PAX2: variants seen among roughly 807,000 people sequenced by gnomAD.
PAX2 encodes paired box 2, also known as paired box protein Pax-2.
PAX2 carries 9 observed loss-of-function variants against 41.7 expected under a neutral mutation model. The ratio of observed to expected loss-of-function variants is 0.22; its 90% CI spans 0.13 to 0.38. The LOEUF (loss-of-function observed/expected upper bound fraction) is 0.38, where lower values mean the gene tolerates loss of function less well. Ranked by LOEUF, PAX2 falls within the 10% of genes least tolerant of loss-of-function variation. PAX2 has a pLI of 1.00. For synonymous variants in PAX2, 221 were observed against 212.7 expected (o/e 1.04, Z -0.34); for missense variants, 418 against 531.6 (o/e 0.79, Z 2.10).
At chr10:100,796,069 T>C (rs1847321212) in intron 5 of PAX2, among the ~76,000 whole-genome samples, 1 of 152,210 alleles carries the variant, frequency 6.6e-6, no homozygotes, top group South Asian at 2.1e-4. Flanking sequence ...TCCTTGGTTA[T>C]GGTCCCCGCT....
At chr10:100,772,603 A>C (rs949954539) in intron 3 of PAX2, among the ~76,000 whole-genome samples, 4 of 152,200 alleles carry the variant, frequency 2.6e-5, no homozygotes, top group South Asian at 2.1e-4. Context: ...AGTGCCTTTG[A>C]TTTACTGAAT....
intron 4 of PAX2, 95 bp from the exon 5 acceptor site, chr10:100,781,151 C>G: frequency 7.9e-7 from 1 of 1,259,210 alleles, no homozygotes; most frequent in Non-Finnish European, 1.2e-6. Context: ...CTTATGTCCT[C>G]TGCTTCTCTC....
intron 4 of PAX2, among the ~76,000 whole-genome samples, 183 bp downstream of exon 4, chr10:100,779,766 G>A (rs1431508317): frequency 6.6e-6 from 1 of 152,118 alleles, no homozygotes; most frequent in African/African-American, 2.4e-5. Context: ...CTCTAGGACT[G>A]TTCTCTGCCT....
At chr10:100,825,782 T>C (rs1848532489) in intron 8 of PAX2, among the ~76,000 whole-genome samples, 1 of 151,878 alleles carries the variant, frequency 6.6e-6, no homozygotes, top group Non-Finnish European at 1.5e-5. Context: ...TGCTGCTGGG[T>C]CTTATGGACT....
At position 100,748,816 on chromosome 10, in the gene PAX2, G is replaced by A; in HGVS notation, c.44-930G>A. 1 of 985,490 alleles carries A rather than the reference G, an allele frequency of 1.0e-6. No homozygotes were observed. The highest frequency in any genetic ancestry group is 1.2e-6 in the Non-Finnish European group (1 of 830,006). The allele number at this position is 985,490 out of a possible 1,614,324, so 61.0% of individuals were successfully genotyped here. Reference sequence around the variant, plus strand: ...GCTGCCGAGGTCTGAGGGGTCAAAGGGACTCGAGTCGGGTTTGGGTCGGCT... The same window carrying A: ...GCTGCCGAGGTCTGAGGGGTCAAAGAGACTCGAGTCGGGTTTGGGTCGGCT... On this transcript the variant is annotated intron_variant, in intron 1 of 9. Transcript: ENST00000355243. This position sits in a 1 kb window ranked among gnomAD's most constrained non-coding sequence, Gnocchi z 5.0.
At chr10:100,795,841 C>T (rs1398269474) in intron 5 of PAX2, among the ~76,000 whole-genome samples, 1 of 152,214 alleles carries the variant, frequency 6.6e-6, no homozygotes, top group African/African-American at 2.4e-5. Context: ...CACTAGTGCC[C>T]TCCTACTGGG....
intron 3 of PAX2, among the ~76,000 whole-genome samples, chr10:100,764,095 C>G (rs1209351528): frequency 6.7e-6 from 1 of 149,798 alleles, no homozygotes; most frequent in Non-Finnish European, 1.5e-5. Flanking sequence ...GCGTCTATTT[C>G]AGTGTGTATG....
chr10:100,759,786 G>A (rs991983910), intron 3 of PAX2, among the ~76,000 whole-genome samples: 4 of 152,214 alleles, frequency 2.6e-5, no homozygotes, highest in African/African-American at 7.2e-5. Context: ...GGAGCAGGCA[G>A]AAAGGGAGAA....
intron 1 of PAX2, among the ~76,000 whole-genome samples, chr10:100,737,050 G>A (rs1245549353): frequency 6.6e-6 from 1 of 152,082 alleles, no homozygotes; most frequent in African/African-American, 2.4e-5. Flanking sequence ...AACTCTTTCT[G>A]AATCTATTTT....
At chr10:100,806,683 C>T (rs751969096) in intron 6 of PAX2, 78 bp downstream of exon 6, 4 of 1,197,204 alleles carry the variant, frequency 3.3e-6, no homozygotes, top group Non-Finnish European at 4.9e-6. Context: ...GTTCACTAAA[C>T]ACCACATGCA....
chr10:100,748,713 C>T lies in PAX2; in HGVS notation c.44-1033C>T. ...TCGGTTCCGAGATCGGGAGCCCGCGCTGGAGCCGGGTTGGAAACCCCGTGC... is the reference window on the plus strand; with the variant it reads ...TCGGTTCCGAGATCGGGAGCCCGCGTTGGAGCCGGGTTGGAAACCCCGTGC... On this transcript the variant is annotated intron_variant, in intron 1 of 9. Coordinates refer to ENST00000355243, the MANE Select transcript of PAX2 (RefSeq NM_000278.5). This position sits in a 1 kb window ranked among gnomAD's most constrained non-coding sequence, Gnocchi z 5.0. The T allele has an allele frequency of 1.0e-6, 1 of 985,526 alleles. No individual in the cohort carries two copies. The highest frequency in any genetic ancestry group is 4.7e-5 in the South Asian group (1 of 21,288). The allele number at this position is 985,526 out of a possible 1,614,324, so 61.0% of individuals were successfully genotyped here. A position where few individuals can be genotyped will look rare whatever the true frequency, so the allele number is the denominator to read the frequency against.
At chr10:100,819,345 G>A (rs1029981004) in intron 7 of PAX2, among the ~76,000 whole-genome samples, 1 of 152,026 alleles carries the variant, frequency 6.6e-6, no homozygotes, top group Non-Finnish European at 1.5e-5. Flanking sequence ...AAGACAGGCA[G>A]AGCACCTGAG....
chr10:100,806,370 A>T, intron 5 of PAX2, 60 bp from the exon 6 acceptor site: 1 of 1,567,170 alleles, frequency 6.4e-7, no homozygotes, highest in South Asian at 1.1e-5. Context: ...TTTGCCCTGC[A>T]CTGTTCCTGT....
At chr10:100,802,185 T>C (rs1272244102) in intron 5 of PAX2, among the ~76,000 whole-genome samples, 1 of 152,120 alleles carries the variant, frequency 6.6e-6, no homozygotes, top group Non-Finnish European at 1.5e-5. Context: ...AATCTAAAAA[T>C]GTGGCCAGAG....
At chr10:100,752,023 T>A (rs1300561185) in intron 3 of PAX2, among the ~76,000 whole-genome samples, 4 of 152,234 alleles carry the variant, frequency 2.6e-5, no homozygotes, top group Admixed American at 6.5e-5. Context: ...AAGGATTTTT[T>A]AAATATTTTG....
At position 100,748,528 on chromosome 10, in the gene PAX2, C is replaced by T; in HGVS notation, c.44-1218C>T. ...GGGGCAGGGGCTGCAGCTTGCCAGT[C>T]CGGGCCGACCCGACTCGGCCGCTAG... is the stretch of plus-strand genomic sequence containing the variant. On this transcript the variant is annotated intron_variant, in intron 1 of 9. Transcript: ENST00000355243. This position sits in a 1 kb window ranked among gnomAD's most constrained non-coding sequence, Gnocchi z 5.0. 1 of 985,362 alleles carries T rather than the reference C, an allele frequency of 1.0e-6. No individual in the cohort carries two copies. Among genetic ancestry groups the T allele is most frequent in the Non-Finnish European group, 1.2e-6 (1 of 829,912 alleles). 61.0% of individuals were successfully genotyped at this position (985,362 alleles called of 1,614,324 possible).
chr10:100,779,921 A>G (rs867717906), intron 4 of PAX2, among the ~76,000 whole-genome samples: 28 of 151,036 alleles, frequency 1.9e-4, no homozygotes, highest in African/African-American at 6.6e-4. Context: ...TCATTCTCCA[A>G]CATCTTTTGT....
chr10:100,788,362 G>A (rs898705904), intron 5 of PAX2, among the ~76,000 whole-genome samples: 1 of 152,202 alleles, frequency 6.6e-6, no homozygotes, highest in African/African-American at 2.4e-5. Flanking sequence ...TCTCTTCCCG[G>A]CTCTCCTTCT....
chr10:100,749,391 C>T, intron 1 of PAX2: 8 of 1,101,992 alleles, frequency 7.3e-6, no homozygotes, highest in Non-Finnish European at 8.8e-6. Flanking sequence ...CCAGGCCCTT[C>T]CTCTCCTCGC....
Sources: gnomAD v4.1 joint callset for allele counts (sites outside exome capture counted in the v4.1 genomes callset) on GRCh38, gnomAD v4.1.1 for gene constraint, Gnocchi (gnomAD v3.1) non-coding constraint, MANE v1.5 for transcripts, NCBI Gene and HGNC (gene_info 2026-07-23, HGNC 2026-07-21) for gene names.